The following ENTREP2 variants were observed in gnomAD, a reference collection of about 807,000 sequenced individuals.
The protein encoded by ENTREP2 is endosomal transmembrane epsin interactor 2, also known as protein ENTREP2.
At chr15:29,257,479 A>C in the ENTREP2 span, among the ~76,000 whole-genome samples, 1 of 152,180 alleles carries the variant, frequency 6.6e-6, no homozygotes, top group Non-Finnish European at 1.5e-5. Flanking sequence ...TTGTTCATAT[A>C]TCTTTTTATA....
chr15:29,294,648 T>C, the ENTREP2 span, among the ~76,000 whole-genome samples: 3 of 152,222 alleles, frequency 2.0e-5, no homozygotes, highest in African/African-American at 7.2e-5. Flanking sequence ...AGGGTAAATC[T>C]TAGAATCTTG....
At chr15:29,578,259 C>T in the ENTREP2 span, among the ~76,000 whole-genome samples, 73 of 152,292 alleles carry the variant, frequency 4.8e-4, no homozygotes, top group Admixed American at 1.4e-3. Flanking sequence ...GGAAAACAGT[C>T]TGGCTGTTCC....
the ENTREP2 span, among the ~76,000 whole-genome samples, chr15:29,371,298 A>C: frequency 6.6e-6 from 1 of 151,152 alleles, no homozygotes; most frequent in East Asian, 2.0e-4. Context: ...ACTAGGGTGG[A>C]GTTTAGGAAA....
the ENTREP2 span, among the ~76,000 whole-genome samples, chr15:29,474,984 G>A: frequency 6.6e-6 from 1 of 152,004 alleles, no homozygotes; most frequent in Admixed American, 6.6e-5. Flanking sequence ...CTTATATAAG[G>A]CAAATGTATG....
At chr15:29,532,785 A>G in the ENTREP2 span, among the ~76,000 whole-genome samples, 4 of 152,248 alleles carry the variant, frequency 2.6e-5, no homozygotes, top group African/African-American at 9.6e-5. Context: ...TTTAAAATCT[A>G]CAAAACCTGA....
the ENTREP2 span, among the ~76,000 whole-genome samples, chr15:29,621,119 G>C: frequency 3.7e-4 from 56 of 152,146 alleles, no homozygotes; most frequent in Middle Eastern, 6.8e-3. Flanking sequence ...GCCAGGCGCA[G>C]TGGCTCATGC....
chr15:29,395,931 C>G, the ENTREP2 span, among the ~76,000 whole-genome samples: 1 of 152,156 alleles, frequency 6.6e-6, no homozygotes, highest in African/African-American at 2.4e-5. Context: ...TGGAGAAAGG[C>G]CTAGTCAAGC....
At chr15:29,123,569 G>C in the ENTREP2 span, 1 of 1,551,758 alleles carries the variant, frequency 6.4e-7, no homozygotes. Context: ...TCTGGTGTTG[G>C]CCGTTGGTCA....
chr15:29,306,624 T>A, the ENTREP2 span, among the ~76,000 whole-genome samples: 1 of 151,406 alleles, frequency 6.6e-6, no homozygotes, highest in Non-Finnish European at 1.5e-5. Flanking sequence ...AAGAGGAAGT[T>A]ATAGTAGTGT....
the ENTREP2 span, among the ~76,000 whole-genome samples, chr15:29,215,945 C>T: frequency 6.6e-6 from 1 of 152,156 alleles, no homozygotes. Flanking sequence ...AGGCTATTTA[C>T]ATTCAATGTT....
the ENTREP2 span, among the ~76,000 whole-genome samples, chr15:29,409,370 C>G: frequency 6.6e-6 from 1 of 150,966 alleles, no homozygotes; most frequent in Non-Finnish European, 1.5e-5. Context: ...GAGATGGAGT[C>G]TCGCTTTGTT....
At chr15:29,652,422 G>A in the ENTREP2 span, among the ~76,000 whole-genome samples, 1 of 152,174 alleles carries the variant, frequency 6.6e-6, no homozygotes, top group Non-Finnish European at 1.5e-5. Flanking sequence ...CTGGTTGCAG[G>A]GTAAGAACTC....
chr15:29,195,816 C>G, the ENTREP2 span, among the ~76,000 whole-genome samples: 1 of 152,310 alleles, frequency 6.6e-6, no homozygotes, highest in Admixed American at 6.5e-5. Context: ...TGAGCCACTG[C>G]GCCCGGCTTG....
At chr15:29,234,361 C>G in the ENTREP2 span, 15 of 1,578,800 alleles carry the variant, frequency 9.5e-6, no homozygotes, top group South Asian at 1.5e-4. Context: ...CACTGTAACA[C>G]AGAAATGTCA....
At chr15:29,566,016 T>C in the ENTREP2 span, among the ~76,000 whole-genome samples, 1 of 151,890 alleles carries the variant, frequency 6.6e-6, no homozygotes, top group Non-Finnish European at 1.5e-5. Flanking sequence ...CAAATTCTAA[T>C]ACATTTTATG....
At chr15:29,443,893 A>G in the ENTREP2 span, among the ~76,000 whole-genome samples, 1 of 152,078 alleles carries the variant, frequency 6.6e-6, no homozygotes, top group Non-Finnish European at 1.5e-5. Context: ...TCACAAGGTC[A>G]GGAGATCGAG....
the ENTREP2 span, chr15:29,452,511 T>C: frequency 6.6e-6 from 1 of 152,282 alleles, no homozygotes; most frequent in Admixed American, 6.5e-5. Flanking sequence ...TGCTTCTGTT[T>C]TCTTGGTAGT....
chr15:29,397,206 C>A, the ENTREP2 span, among the ~76,000 whole-genome samples: 2 of 152,204 alleles, frequency 1.3e-5, no homozygotes, highest in Admixed American at 1.3e-4. Context: ...GCCTGGCCAA[C>A]ATGGTGAAAC....
the ENTREP2 span, among the ~76,000 whole-genome samples, chr15:29,409,217 T>C: frequency 6.6e-6 from 1 of 152,264 alleles, no homozygotes; most frequent in African/African-American, 2.4e-5. Flanking sequence ...AATACAATTA[T>C]GGTTTCATCC....
Sources: allele counts gnomAD v4.1 joint callset (sites outside exome capture counted in the v4.1 genomes callset), GRCh38; gene constraint gnomAD v4.1.1; transcripts MANE v1.5; gene names NCBI Gene and HGNC (gene_info 2026-07-23, HGNC 2026-07-21).